Variants in DCHS2 observed in about 807,000 individuals in gnomAD.
DCHS2 encodes dachsous cadherin-related 2, also known as protocadherin-23.
In DCHS2, 142 loss-of-function variants were observed where a neutral mutation model predicts 182.4. The observed-to-expected ratio is 0.78, with a 90% CI of 0.68 to 0.89. DCHS2 has a LOEUF of 0.89. Among genes scored for constraint, DCHS2 ranks in the 40% least tolerant of loss-of-function variants. The pLI, the probability that DCHS2 is intolerant of heterozygous loss-of-function variation, is 0.00. For synonymous variants in DCHS2, 1,740 were observed against 1,663.3 expected (o/e 1.05, Z -1.12); for missense variants, 4,319 against 4,198.6 (o/e 1.03, Z -0.79).
At chr4:154,377,162 C>T in intron 2 of DCHS2, 91 bp downstream of exon 2, 2 of 1,267,616 alleles carry the variant, frequency 1.6e-6, no homozygotes, top group Non-Finnish European at 2.2e-6. Flanking sequence ...CAGAATGACC[C>T]AATTGTTGAT....
At chr4:154,462,097 T>C (rs911452732) in intron 1 of DCHS2, among the ~76,000 whole-genome samples, 4 of 152,246 alleles carry the variant, frequency 2.6e-5, no homozygotes, top group African/African-American at 9.6e-5. Context: ...ATGCCTTCCT[T>C]CCCTTCTCTT....
chr4:154,247,486 A>G (rs1437784954), intron 16 of DCHS2, among the ~76,000 whole-genome samples: 1 of 151,838 alleles, frequency 6.6e-6, no homozygotes, highest in Non-Finnish European at 1.5e-5. Flanking sequence ...TACTAAAAAT[A>G]TAAAAATTAG....
chr4:154,252,265 A>G (rs1732405718), intron 16 of DCHS2, among the ~76,000 whole-genome samples: 1 of 152,212 alleles, frequency 6.6e-6, no homozygotes, highest in Admixed American at 6.5e-5. Flanking sequence ...CAATTACATC[A>G]GGGTAAATGG....
chr4:154,243,963 C>T (rs1731956618), intron 16 of DCHS2, among the ~76,000 whole-genome samples: 2 of 152,168 alleles, frequency 1.3e-5, no homozygotes, highest in Admixed American at 1.3e-4. Flanking sequence ...GTTATCCAAA[C>T]CCCTGAACAT....
At chr4:154,277,963 C>T (rs978240140) in intron 13 of DCHS2, among the ~76,000 whole-genome samples, 47 of 150,802 alleles carry the variant, frequency 3.1e-4, no homozygotes, top group Non-Finnish European at 5.7e-4. Flanking sequence ...ATCGCTGGAA[C>T]GCAGGAGGCA....
chr4:154,280,547 T>C (rs1449896597), intron 13 of DCHS2, among the ~76,000 whole-genome samples: 1 of 152,092 alleles, frequency 6.6e-6, no homozygotes, highest in Non-Finnish European at 1.5e-5. Context: ...GGTTTGTCCC[T>C]GGGATGCAAG....
Position 154,491,089 on chromosome 4 carries a change from C to T in DCHS2, c.267G>A (p.Gly89=). The T allele has an allele frequency of 6.4e-7, 1 of 1,551,312 alleles. No homozygotes were observed. The highest frequency in any genetic ancestry group is 8.7e-7 in the Non-Finnish European group (1 of 1,146,942). The change falls in exon 1 of 20, where the codon GGG becomes GGA. Residue 89 remains glycine (G), a synonymous_variant. Transcript: ENST00000357232. ...PDTLVGDIRA[G]LPAAQQQEGS... ...CCTCCTGCTGCTGCGCGGCCGGCAG[C>T]CCGGCGCGGATGTCACCTACCAGCG...
In DCHS2 at chr4:154,332,567, G is replaced by T; in HGVS notation, c.3641C>A (p.Thr1214Lys). Residue 1214 changes from threonine to lysine, a missense_variant, in exon 5 of 20, where the codon ACA (threonine) becomes AAA (lysine). Physicochemically the swap from Thr to Lys is moderately conservative, Grantham distance 78 (BLOSUM62 -1). Coordinates refer to ENST00000357232, the MANE Select transcript of DCHS2 (RefSeq NM_001358235.2). ...CTTTCCAGAGTCCATGTCAATAGCTGTAATTTTGCCTATTACCCCTTGGGG... is the reference window on the plus strand; with the variant it reads ...CTTTCCAGAGTCCATGTCAATAGCTTTAATTTTGCCTATTACCCCTTGGGG... The part of the protein sequence containing the change: ...PVPQGVIGKI[T>K]AIDMDSGKNG... 2 of 1,614,148 alleles carry T rather than the reference G, an allele frequency of 1.2e-6. No individual in the cohort carries two copies. Among genetic ancestry groups the T allele is most frequent in the Non-Finnish European group, 1.7e-6 (2 of 1,180,012 alleles).
At chr4:154,243,873 A>G (rs1238673639) in intron 16 of DCHS2, among the ~76,000 whole-genome samples, 1 of 152,088 alleles carries the variant, frequency 6.6e-6, no homozygotes, top group Non-Finnish European at 1.5e-5. Flanking sequence ...ATTGCGCTCA[A>G]TTGCTCTAAC....
rs1247277130 is a variant in DCHS2 at position 154,321,114 on chromosome 4, C to T, written c.4285G>A (p.Asp1429Asn). The T allele has an allele frequency of 6.2e-7, 1 of 1,605,548 alleles. No homozygotes were observed. The highest frequency in any genetic ancestry group is 8.5e-7 in the Non-Finnish European group (1 of 1,173,608). ...CCATTATAATGTTGTTGAAGGTGATCAGATGACTTTATCAAGCTCATTATT... is the reference window on the plus strand; with the variant it reads ...CCATTATAATGTTGTTGAAGGTGATTAGATGACTTTATCAAGCTCATTATT... ...TKIMSLIKSS[D>N]HLQQHYNGKL... is the part of the protein sequence containing the mutation. The change falls in exon 9 of 20, where the codon GAT becomes AAT. Residue 1429 changes from aspartate (D) to asparagine (N), a missense_variant. Physicochemically the swap from Asp to Asn is conservative, Grantham distance 23. Transcript: ENST00000357232.
chr4:154,489,709 G>T lies in DCHS2; in HGVS notation c.1647C>A (p.Ser549=), dbSNP rs1271572142. The T allele has an allele frequency of 1.9e-6, 3 of 1,551,680 alleles. No homozygotes were observed. The highest frequency in any genetic ancestry group is 2.4e-5 in the East Asian group (1 of 40,894). The change falls in exon 1 of 20, where the codon TCC becomes TCA. Residue 549 remains serine (S), a synonymous_variant. Transcript: ENST00000357232. ...FSQQHYKASV[S]EAAAPGTVVM... is the part of the protein sequence containing the mutation. Reference sequence around the variant, plus strand: ...CTACAGTGCCAGGGGCCGCGGCCTCGGACACTGAGGCCTTGTAATGCTGTT... The same window carrying T: ...CTACAGTGCCAGGGGCCGCGGCCTCTGACACTGAGGCCTTGTAATGCTGTT...
At chr4:154,438,106 G>A (rs1439675320) in intron 1 of DCHS2, among the ~76,000 whole-genome samples, 1 of 152,160 alleles carries the variant, frequency 6.6e-6, no homozygotes, top group Non-Finnish European at 1.5e-5. Context: ...AAGGAGGTTA[G>A]AGTAACAAGA....
chr4:154,374,802 G>A (rs1271065418), intron 2 of DCHS2, among the ~76,000 whole-genome samples: 1 of 151,998 alleles, frequency 6.6e-6, no homozygotes, highest in African/African-American at 2.4e-5. Flanking sequence ...AGATGAAAAA[G>A]AAACAAGGAA....
chr4:154,339,607 G>A (rs1468902111), intron 3 of DCHS2, among the ~76,000 whole-genome samples: 6 of 152,038 alleles, frequency 3.9e-5, no homozygotes, highest in South Asian at 4.2e-4. Context: ...CTACCATCAC[G>A]CCTAGCTAAT....
chr4:154,329,978 G>A (rs1053103302), intron 5 of DCHS2, among the ~76,000 whole-genome samples: 14 of 152,116 alleles, frequency 9.2e-5, no homozygotes, highest in African/African-American at 3.1e-4. Flanking sequence ...TCATAAAAAT[G>A]ATAAAACTCC....
intron 1 of DCHS2, among the ~76,000 whole-genome samples, chr4:154,383,836 A>G (rs189164921): frequency 8.1e-4 from 123 of 152,328 alleles, no homozygotes; most frequent in Non-Finnish European, 1.5e-3. Context: ...AAAAAAAATA[A>G]AAACGTCTCA....
intron 3 of DCHS2, among the ~76,000 whole-genome samples, chr4:154,339,947 G>T (rs946471841): frequency 6.6e-6 from 1 of 152,132 alleles, no homozygotes; most frequent in African/African-American, 2.4e-5. Context: ...ATCTTTGTGT[G>T]TTGAGATTAT....
intron 13 of DCHS2, among the ~76,000 whole-genome samples, chr4:154,273,686 T>A (rs12509780): frequency 0.059 from 8,927 of 152,036 alleles, 519 homozygotes; most frequent in Admixed American, 0.18. Context: ...TTCTAAAAAA[T>A]AAATGAAAGA....
intron 16 of DCHS2, among the ~76,000 whole-genome samples, chr4:154,246,136 G>A (rs1181454178): frequency 1.3e-5 from 2 of 152,122 alleles, no homozygotes; most frequent in African/African-American, 2.4e-5. Flanking sequence ...AGAGGCTCAA[G>A]ACATGGCAAA....
Sources: allele counts gnomAD v4.1 joint callset (sites outside exome capture counted in the v4.1 genomes callset), GRCh38; gene constraint gnomAD v4.1.1; transcripts MANE v1.5; gene names NCBI Gene and HGNC (gene_info 2026-07-23, HGNC 2026-07-21).